Variants in MAEL observed in about 807,000 individuals in gnomAD.
MAEL encodes the protein protein maelstrom homolog.
In MAEL, 46 loss-of-function variants were observed where a neutral mutation model predicts 62.0. The ratio of observed to expected loss-of-function variants is 0.74; its 90% CI spans 0.59 to 0.95. The LOEUF (loss-of-function observed/expected upper bound fraction) is 0.95, where lower values mean the gene tolerates loss of function less well. MAEL is among the 40% of genes least tolerant of loss of function. MAEL has a pLI of 0.00. For missense variants in MAEL, 497 were observed against 526.8 expected (o/e 0.94, Z 0.55); for synonymous variants, 172 against 175.5 (o/e 0.98, Z 0.16).
chr1:166,979,164 G>A (rs1295602994), intron 1 of MAEL, among the ~76,000 whole-genome samples: 1 of 152,174 alleles, frequency 6.6e-6, no homozygotes, highest in Non-Finnish European at 1.5e-5. Context: ...TCTGTTTAAA[G>A]CACACAGATA....
In MAEL at chr1:167,021,803, CACCTT is replaced by C; in HGVS notation, c.1256_1260del (p.Pro419HisfsTer44). The C allele has an allele frequency of 6.2e-7, 1 of 1,612,450 alleles. No individual in the cohort carries two copies. Among genetic ancestry groups the C allele is most frequent in the Non-Finnish European group, 8.5e-7 (1 of 1,178,736 alleles). On this transcript the variant is annotated frameshift_variant, in exon 12 of 12. Transcript: ENST00000367872. LOFTEE classifies it high-confidence loss of function. ...TTCTCCAACTGTGACACTTCACTCT[CACCTT>C]ACATGTCCCAAAAAGATGGATACAA...
chr1:167,008,734 C>T (rs925937632), intron 8 of MAEL, among the ~76,000 whole-genome samples: 7 of 151,820 alleles, frequency 4.6e-5, no homozygotes, highest in Non-Finnish European at 7.4e-5. Context: ...AATGAATTTA[C>T]GTAGATTATT....
At chr1:166,990,066 C>T in intron 2 of MAEL, 1 of 467,366 alleles carries the variant, frequency 2.1e-6, no homozygotes, top group Non-Finnish European at 3.8e-6. Flanking sequence ...TGGGGAATTC[C>T]TGTTAGGAAA....
chr1:167,001,834 T>A (rs952030137), intron 5 of MAEL, among the ~76,000 whole-genome samples: 1 of 152,224 alleles, frequency 6.6e-6, no homozygotes, highest in Non-Finnish European at 1.5e-5. Flanking sequence ...CAGGCTAGAG[T>A]GCAGTGGCAT....
upstream of MAEL, chr1:166,989,164 C>G: frequency 1.3e-6 from 1 of 794,230 alleles, no homozygotes; most frequent in Non-Finnish European, 1.9e-6. Context: ...CAAGGCGGCA[C>G]GAGCCGGAAT....
chr1:167,015,004 A>G (rs1571276493), intron 8 of MAEL, among the ~76,000 whole-genome samples: 1 of 152,216 alleles, frequency 6.6e-6, no homozygotes, highest in East Asian at 1.9e-4. Flanking sequence ...ATATGAACAC[A>G]ATCAAGGATA....
At chr1:166,977,721 A>C (rs939836999) in intron 1 of MAEL, among the ~76,000 whole-genome samples, 18 of 152,256 alleles carry the variant, frequency 1.2e-4, no homozygotes, top group African/African-American at 4.1e-4. Context: ...CGGGAAGCTG[A>C]GGTGGGCGGA....
intron 5 of MAEL, among the ~76,000 whole-genome samples, chr1:166,996,547 G>A (rs765445351): frequency 9.9e-5 from 15 of 152,086 alleles, no homozygotes; most frequent in Non-Finnish European, 1.8e-4. Flanking sequence ...AAGGTATAAC[G>A]AACATTAATA....
At position 167,008,752 on chromosome 1, in the gene MAEL, A is replaced by G. The variant is rs150167173; in HGVS notation, c.845+3355A>G. Among the ~76,000 whole-genome samples the G allele has an allele frequency of 2.3e-3, 348 of 152,150 alleles. 4 individuals carry two copies. Among genetic ancestry groups the G allele is most frequent in the African/African-American group, 8.0e-3 (331 of 41,564 alleles). ...GAATTTACGTAGATTATTGCATGCA[A>G]TATTTTCATTGCCATTTTAAATAAA... On this transcript the variant is annotated intron_variant, in intron 8 of 11. Transcript: ENST00000367872.
At position 167,017,897 on chromosome 1, in the gene MAEL, G is replaced by C; in HGVS notation, c.979G>C (p.Asp327His). 6.2e-7 allele frequency: 1 copy of C among 1,613,434 alleles called. No individual in the cohort carries two copies. Among genetic ancestry groups the C allele is most frequent in the Non-Finnish European group, 8.5e-7 (1 of 1,179,604 alleles). ...QLTEAHVPLQ[D>H]YEASNSVTPK... Reference sequence around the variant, plus strand: ...CACAGAGGCTCATGTACCACTACAAGATTATGAGGCCAGCAATAGTGTGAC... The same window carrying C: ...CACAGAGGCTCATGTACCACTACAACATTATGAGGCCAGCAATAGTGTGAC... Residue 327 changes from aspartate (D) to histidine (H), a missense_variant, in exon 10 of 12, where the codon GAT (aspartate) becomes CAT (histidine). Transcript: ENST00000367872.
chr1:167,002,717 TATTAGTAA>T (rs1254088462), intron 5 of MAEL, among the ~76,000 whole-genome samples: 2 of 152,214 alleles, frequency 1.3e-5, no homozygotes, highest in Admixed American at 1.3e-4. Flanking sequence ...ACCAAAGGAT[TATTAGTAA>T]AATTTACAGT....
intron 8 of MAEL, among the ~76,000 whole-genome samples, chr1:167,007,419 A>G (rs770886705): frequency 1.8e-4 from 27 of 152,066 alleles, no homozygotes; most frequent in Admixed American, 2.6e-4. Flanking sequence ...TGGATTAGCC[A>G]TTTCTCCCAA....
At chr1:166,980,171 C>T (rs1233099396) in intron 1 of MAEL, among the ~76,000 whole-genome samples, 2 of 152,048 alleles carry the variant, frequency 1.3e-5, no homozygotes, top group Admixed American at 6.6e-5. Context: ...GTGCATGCCA[C>T]CATGCCCAGC....
chr1:167,009,589 GA>G (rs1169016515), intron 8 of MAEL, among the ~76,000 whole-genome samples: 3 of 130,340 alleles, frequency 2.3e-5, no homozygotes, highest in Middle Eastern at 3.9e-3. Flanking sequence ...TATTTCTGGA[GA>G]TTTTTTTTTT....
intron 10 of MAEL, among the ~76,000 whole-genome samples, 188 bp from the exon 11 acceptor site, chr1:167,020,897 A>G (rs1193183900): frequency 6.6e-6 from 1 of 151,958 alleles, no homozygotes; most frequent in Non-Finnish European, 1.5e-5. Context: ...TTTGCCCTAT[A>G]CTTCGTAATC....
upstream of MAEL, among the ~76,000 whole-genome samples, chr1:166,987,837 A>G (rs377075974): frequency 3.2e-4 from 48 of 152,338 alleles, no homozygotes; most frequent in East Asian, 6.6e-3. Context: ...CTGTCAAGGA[A>G]TAGATAATTC....
chr1:166,989,300 G>C lies in MAEL; in HGVS notation c.-53G>C. 6.4e-7 allele frequency: 1 copy of C among 1,571,170 alleles called. No homozygotes were observed. Among genetic ancestry groups the C allele is most frequent in the Non-Finnish European group, 8.6e-7 (1 of 1,156,996 alleles). On this transcript the variant is annotated 5_prime_UTR_variant, in exon 1 of 12. Coordinates refer to ENST00000367872, the MANE Select transcript of MAEL (RefSeq NM_032858.3). ...CTGTTACTTAGGGCGGGAGCCCGGC[G>C]AGGGCGCCGGTGCTTTGTTCTGTCT... is the stretch of plus-strand genomic sequence containing the variant.
chr1:166,991,428 G>C lies in MAEL; in HGVS notation c.276G>C (p.Gln92His), dbSNP rs1223494844. 1 of 1,613,468 alleles carries C rather than the reference G, an allele frequency of 6.2e-7. No individual in the cohort carries two copies. Among genetic ancestry groups the C allele is most frequent in the South Asian group, 1.1e-5 (1 of 91,048 alleles). Residue 92 changes from glutamine (Q) to histidine (H), a missense_variant, in exon 3 of 12, where the codon CAG (glutamine) becomes CAC (histidine). Gln to His is a conservative substitution (Grantham distance 24). Transcript: ENST00000367872. ...GGCCAGGCATGCTTGTACCAAAGCA[G>C]AATGTTTCACCTCCAGATATGTCAG... ...LRRPGMLVPK[Q>H]NVSPPDMSAL...
intron 8 of MAEL, among the ~76,000 whole-genome samples, chr1:167,008,130 A>G (rs1414921660): frequency 5.3e-5 from 8 of 152,218 alleles, no homozygotes; most frequent in Admixed American, 3.9e-4. Flanking sequence ...GATAACTGAA[A>G]TATTTATATT....
Sources: allele counts gnomAD v4.1 joint callset (sites outside exome capture counted in the v4.1 genomes callset), GRCh38; gene constraint gnomAD v4.1.1; transcripts MANE v1.5; gene names NCBI Gene and HGNC (gene_info 2026-07-23, HGNC 2026-07-21).